Variants in ADARB2 observed in about 807,000 individuals in gnomAD.
The protein encoded by ADARB2 is inactive double-stranded RNA-specific editase B2.
Under a neutral mutation model 62.2 loss-of-function variants are expected in ADARB2, and 25 were observed. The ratio of observed to expected loss-of-function variants is 0.40; its 90% CI spans 0.29 to 0.56. ADARB2 has a LOEUF of 0.56. Among genes scored for constraint, ADARB2 ranks in the 20% least tolerant of loss-of-function variants. The pLI, the probability that ADARB2 is intolerant of heterozygous loss-of-function variation, is 0.43. For missense variants in ADARB2, 1,071 were observed against 1,077.4 expected, an observed-to-expected ratio of 0.99 and a Z score of 0.08; for synonymous variants, 572 against 500.8, an observed-to-expected ratio of 1.14 and a Z score of -1.90.
intron 1 of ADARB2, among the ~76,000 whole-genome samples, chr10:1,620,631 T>A (rs1396060425): frequency 1.3e-5 from 2 of 152,258 alleles, no homozygotes; most frequent in African/African-American, 2.4e-5. Flanking sequence ...TCAGTTGTTC[T>A]AATATTATAT....
chr10:1,713,733 C>G (rs2119154509), intron 1 of ADARB2, among the ~76,000 whole-genome samples: 1 of 152,302 alleles, frequency 6.6e-6, no homozygotes, highest in Middle Eastern at 3.4e-3. Context: ...AAGTGCCATG[C>G]TCCGGTCCCG....
At chr10:1,691,447 A>G (rs1041005833) in intron 1 of ADARB2, among the ~76,000 whole-genome samples, 1 of 152,124 alleles carries the variant, frequency 6.6e-6, no homozygotes, top group Admixed American at 6.5e-5. Flanking sequence ...CTCAGAGTCT[A>G]TGTCCTTCTT....
In ADARB2 at chr10:1,615,021, G is replaced by T. The variant is rs1022050953; in HGVS notation, c.100+122030C>A. Among the ~76,000 whole-genome samples the T allele has an allele frequency of 2.0e-5, 3 of 152,262 alleles. 1 individual carries two copies. The highest frequency in any genetic ancestry group is 2.0e-4 in the Admixed American group (3 of 15,302). ...TTGGGGAGGAGCTCATGGGCCCTGG[G>T]TACACCTCGGTCTACTGAGAAGTGT... On this transcript the variant is annotated intron_variant, in intron 1 of 9. Transcript: ENST00000381312.
intron 1 of ADARB2, among the ~76,000 whole-genome samples, chr10:1,729,537 AT>A (rs369687207): frequency 1.2e-4 from 18 of 152,218 alleles, no homozygotes; most frequent in African/African-American, 4.1e-4. Context: ...ATTAAATTGC[AT>A]TTTTTTCCCA....
chr10:1,522,992 A>T (rs1832092102), intron 1 of ADARB2, among the ~76,000 whole-genome samples: 1 of 152,142 alleles, frequency 6.6e-6, no homozygotes, highest in African/African-American at 2.4e-5. Context: ...CTTTCAGGTG[A>T]GTTTCAAATC....
rs551378864 is a variant in ADARB2, at chr10:1,277,308, G to T, written c.1078-6239C>A. Among the ~76,000 whole-genome samples, 61 of 152,248 alleles carry T rather than the reference G, an allele frequency of 4.0e-4. 1 individual carries two copies. Among genetic ancestry groups the T allele is most frequent in the African/African-American group, 1.4e-3 (59 of 41,546 alleles). The stretch of plus-strand genomic sequence containing the variant: ...ACAAAAAACCCTTCAAAAAATTAAT[G>T]AATCCTGGAGCTGGTTTTTTGAAAG... On this transcript the variant is annotated intron_variant, in intron 3 of 9. Transcript: ENST00000381312.
intron 1 of ADARB2, among the ~76,000 whole-genome samples, chr10:1,611,390 T>C (rs1303557349): frequency 1.3e-5 from 2 of 152,206 alleles, no homozygotes; most frequent in African/African-American, 4.8e-5. Context: ...GTATATCTGA[T>C]CCAAGGGGGA....
intron 6 of ADARB2, among the ~76,000 whole-genome samples, chr10:1,230,105 C>T (rs1033025971): frequency 2.7e-5 from 4 of 150,868 alleles, no homozygotes; most frequent in Admixed American, 6.7e-5. Flanking sequence ...GAGTCTCCTT[C>T]GGTTTCAGAT....
chr10:1,641,780 A>G (rs1471767463), intron 1 of ADARB2, among the ~76,000 whole-genome samples: 3 of 152,224 alleles, frequency 2.0e-5, no homozygotes, highest in African/African-American at 7.2e-5. Context: ...TAGGAGGCCA[A>G]GGTGGGTGGA....
At chr10:1,286,635 C>T (rs1003038043) in intron 3 of ADARB2, among the ~76,000 whole-genome samples, 1 of 152,186 alleles carries the variant, frequency 6.6e-6, no homozygotes, top group African/African-American at 2.4e-5. Flanking sequence ...CACCTTCCCC[C>T]AGCTGCATGA....
In ADARB2 at chr10:1,363,868, G is replaced by A. The variant is rs533976121; in HGVS notation, c.237C>T (p.Ala79=). ...GGTCCCCGGAGGGCGGTGGCCGCGC[G>A]GCCAGGTTGCCCACGTTGCGGTTCT... The part of the protein sequence containing the change: ...VKENRNVGNL[A]ARPPPSGDRA... The change falls in exon 3 of 10, where the codon GCC becomes GCT. Residue 79 remains alanine, a synonymous_variant. Coordinates refer to ENST00000381312, the MANE Select transcript of ADARB2 (RefSeq NM_018702.4). The A allele has an allele frequency of 7.3e-6, 11 of 1,502,564 alleles. No homozygotes were observed. In the South Asian group the frequency reaches 7.8e-5, roughly 11 times the overall value. The allele number at this position is 1,502,564 out of a possible 1,614,324, so 93.1% of individuals were successfully genotyped here.
chr10:1,688,885 G>A (rs999028368), intron 1 of ADARB2, among the ~76,000 whole-genome samples: 4 of 152,068 alleles, frequency 2.6e-5, no homozygotes, highest in African/African-American at 7.2e-5. Flanking sequence ...ACATTTTAAC[G>A]TAAAAAAGTA....
chr10:1,428,331 G>GTGGT (rs1468593625), intron 1 of ADARB2, among the ~76,000 whole-genome samples: 1 of 149,300 alleles, frequency 6.7e-6, no homozygotes, highest in Non-Finnish European at 1.5e-5. Context: ...TTGTCACCCA[G>GTGGT]GCTGGAGTGC....
intron 1 of ADARB2, among the ~76,000 whole-genome samples, chr10:1,687,378 TAAAGG>T (rs897043072): frequency 7.0e-4 from 105 of 150,064 alleles, no homozygotes; most frequent in African/African-American, 2.5e-3. Flanking sequence ...CCTGCCTAAG[TAAAGG>T]AAGAGTTTCC....
In ADARB2 at chr10:1,540,593, T is replaced by C. The variant is rs866314712; in HGVS notation, c.101-161433A>G. Reference sequence around the variant, plus strand: ...AGATGTAGTTCAGACCCTGGATCCGTCCAGACCCCACTCAGACGCAGTTCG... The same window carrying C: ...AGATGTAGTTCAGACCCTGGATCCGCCCAGACCCCACTCAGACGCAGTTCG... On this transcript the variant is annotated intron_variant, in intron 1 of 9. Transcript: ENST00000381312. Among the ~76,000 whole-genome samples the C allele has an allele frequency of 1.7e-4, 7 of 41,288 alleles. 1 individual carries two copies. The highest frequency in any genetic ancestry group is 6.8e-4 in the African/African-American group (6 of 8,888). The allele number at this position is 41,288 out of a possible 152,430, so 27.1% of individuals were successfully genotyped here.
chr10:1,480,209 G>T (rs1447681971), intron 1 of ADARB2, among the ~76,000 whole-genome samples: 1 of 152,152 alleles, frequency 6.6e-6, no homozygotes. Flanking sequence ...CAAGATGAAA[G>T]AAGTAAAAGG....
intron 3 of ADARB2, among the ~76,000 whole-genome samples, chr10:1,315,176 C>T (rs1831727060): frequency 6.6e-6 from 1 of 152,154 alleles, no homozygotes. Context: ...CTCTTCTTCC[C>T]CTCAGCGGGG....
intron 1 of ADARB2, among the ~76,000 whole-genome samples, chr10:1,437,800 T>C (rs1830850690): frequency 6.6e-6 from 1 of 152,124 alleles, no homozygotes; most frequent in African/African-American, 2.4e-5. Flanking sequence ...TGACACGGAA[T>C]GTGCAGGAAA....
rs77063314 is a variant in ADARB2 at position 1,212,472 on chromosome 10, G to A, written c.1682+4479C>T. On this transcript the variant is annotated intron_variant, in intron 7 of 9. Transcript: ENST00000381312. ...GCTGTGTCCCCATGTCACTGCTTGTGCCTGGCCCAGAGCAGAGGCTCCGAG... is the reference window on the plus strand; with the variant it reads ...GCTGTGTCCCCATGTCACTGCTTGTACCTGGCCCAGAGCAGAGGCTCCGAG... Among the ~76,000 whole-genome samples, 1,003 of 152,340 alleles carry A rather than the reference G, an allele frequency of 6.6e-3. 7 individuals carry two copies. The highest frequency in any genetic ancestry group is 0.011 in the Non-Finnish European group (746 of 68,030).
Sources: gnomAD v4.1 joint callset for allele counts (sites outside exome capture counted in the v4.1 genomes callset) on GRCh38, gnomAD v4.1.1 for gene constraint, MANE v1.5 for transcripts, NCBI Gene and HGNC (gene_info 2026-07-23, HGNC 2026-07-21) for gene names.